PDE5A: variants seen among roughly 807,000 people sequenced by gnomAD.
PDE5A encodes cGMP-specific 3',5'-cyclic phosphodiesterase.
In PDE5A, 67 loss-of-function variants were observed where a neutral mutation model predicts 110.2. The observed-to-expected ratio is 0.61, with a 90% CI of 0.50 to 0.75. PDE5A has a LOEUF of 0.75. PDE5A is among the 30% of genes least tolerant of loss of function. The pLI is 0.00. For synonymous variants in PDE5A, 328 were observed against 351.2 expected (o/e 0.93, Z 0.74); for missense variants, 862 against 1,045.1 (o/e 0.82, Z 2.42).
intron 18 of PDE5A, among the ~76,000 whole-genome samples, chr4:119,503,061 C>G (rs1042826635): frequency 6.6e-6 from 1 of 152,010 alleles, no homozygotes; most frequent in Non-Finnish European, 1.5e-5. Context: ...TTATTATGGG[C>G]AGGAAGGTAG....
At chr4:119,605,959 AC>A (rs147151548) in intron 2 of PDE5A, among the ~76,000 whole-genome samples, 3,716 of 152,348 alleles carry the variant, frequency 0.024, 57 homozygotes, top group South Asian at 0.051. Context: ...GCTGTAAGAT[AC>A]CTCATAAACA....
At chr4:119,617,839 A>G (rs1033585583) in intron 1 of PDE5A, among the ~76,000 whole-genome samples, 3 of 152,104 alleles carry the variant, frequency 2.0e-5, no homozygotes, top group Admixed American at 6.6e-5. Flanking sequence ...ATTTTCAACC[A>G]CTCTATTTTA....
At chr4:119,545,734 A>C (rs1409373021) in intron 9 of PDE5A, among the ~76,000 whole-genome samples, 1 of 152,172 alleles carries the variant, frequency 6.6e-6, no homozygotes, top group Non-Finnish European at 1.5e-5. Flanking sequence ...TGTTGTTACC[A>C]ACCACAGTCT....
At chr4:119,587,377 G>T (rs1578802275) in intron 3 of PDE5A, among the ~76,000 whole-genome samples, 3 of 116,168 alleles carry the variant, frequency 2.6e-5, no homozygotes, top group African/African-American at 3.0e-5. Context: ...TAATTTTTTT[G>T]TATTTTTTTT....
chr4:119,574,179 C>CTTT (rs70944893), intron 3 of PDE5A, among the ~76,000 whole-genome samples: 21,881 of 89,124 alleles, frequency 0.25, 4,280 homozygotes, highest in East Asian at 0.32. Flanking sequence ...AAAATATAGG[C>CTTT]TTTTTTTTTT....
Position 119,628,795 on chromosome 4 carries a change from G to T in PDE5A, c.-124C>A. On this transcript the variant is annotated 5_prime_UTR_variant, in exon 1 of 21. Coordinates refer to ENST00000354960, the MANE Select transcript of PDE5A (RefSeq NM_001083.4). ...CCCTTCGTCCTGCTCCAGTCGGGCC[G>T]GCTTTCGACAAAGCGGCCGGAGCGC... 7.0e-7 allele frequency: 1 copy of T among 1,435,848 alleles called. No individual in the cohort carries two copies. Among genetic ancestry groups the T allele is most frequent in the Non-Finnish European group, 9.5e-7 (1 of 1,055,582 alleles). 88.9% of individuals were successfully genotyped at this position (1,435,848 alleles called of 1,614,324 possible).
chr4:119,585,431 A>T (rs1016782984), intron 3 of PDE5A, among the ~76,000 whole-genome samples: 7 of 152,116 alleles, frequency 4.6e-5, no homozygotes, highest in Non-Finnish European at 2.9e-5. Flanking sequence ...TTTTTGTATA[A>T]ACCTTTGTGT....
intron 9 of PDE5A, among the ~76,000 whole-genome samples, chr4:119,545,707 T>C (rs1330793170): frequency 2.0e-5 from 3 of 152,172 alleles, no homozygotes; most frequent in African/African-American, 4.8e-5. Flanking sequence ...TTCTTTTCCA[T>C]AATTCTTGGG....
At chr4:119,538,675 C>T (rs150884942) in intron 11 of PDE5A, 2 of 318,628 alleles carry the variant, frequency 6.3e-6, no homozygotes, top group Non-Finnish European at 1.2e-5. Flanking sequence ...CCTCATGGTC[C>T]CCATTTCTCC....
chr4:119,614,194 A>G (rs911867859), intron 1 of PDE5A, among the ~76,000 whole-genome samples: 2 of 152,080 alleles, frequency 1.3e-5, no homozygotes, highest in Non-Finnish European at 2.9e-5. Flanking sequence ...AAATTCCAAC[A>G]TATCTATGTT....
chr4:119,622,099 G>A (rs774005925), intron 1 of PDE5A, among the ~76,000 whole-genome samples: 25 of 151,838 alleles, frequency 1.6e-4, no homozygotes, highest in South Asian at 8.3e-4. Flanking sequence ...GCCTGAACCC[G>A]GGAAGCGGAG....
chr4:119,553,048 T>C (rs933366265), intron 8 of PDE5A, among the ~76,000 whole-genome samples: 6 of 152,216 alleles, frequency 3.9e-5, no homozygotes, highest in East Asian at 3.9e-4. Context: ...ACTGTTGCTA[T>C]TGCTATATTG....
chr4:119,553,991 T>G (rs1041485775), intron 7 of PDE5A, among the ~76,000 whole-genome samples: 2 of 152,184 alleles, frequency 1.3e-5, no homozygotes, highest in Admixed American at 1.3e-4. Flanking sequence ...AATGGCCTTA[T>G]TCTCATCGCA....
chr4:119,526,785 A>G (rs1310376115), intron 11 of PDE5A, among the ~76,000 whole-genome samples: 1 of 152,150 alleles, frequency 6.6e-6, no homozygotes, highest in African/African-American at 2.4e-5. Flanking sequence ...TTTCACTTAC[A>G]TATACCAGAC....
chr4:119,553,999 G>A (rs904296556), intron 7 of PDE5A, among the ~76,000 whole-genome samples: 2 of 152,006 alleles, frequency 1.3e-5, no homozygotes, highest in African/African-American at 4.8e-5. Context: ...TATTCTCATC[G>A]CAAATGGGCA....
intron 14 of PDE5A, among the ~76,000 whole-genome samples, chr4:119,514,128 C>T (rs372095536): frequency 6.6e-6 from 1 of 152,192 alleles, no homozygotes; most frequent in South Asian, 2.1e-4. Context: ...TCAGTGAGCA[C>T]TAATGGACCA....
At chr4:119,587,012 G>A (rs1179195325) in intron 3 of PDE5A, among the ~76,000 whole-genome samples, 1 of 152,110 alleles carries the variant, frequency 6.6e-6, no homozygotes, top group African/African-American at 2.4e-5. Flanking sequence ...CTGCTCTTAA[G>A]AAACATTCTT....
At chr4:119,617,120 G>C (rs945605253) in intron 1 of PDE5A, among the ~76,000 whole-genome samples, 7 of 151,924 alleles carry the variant, frequency 4.6e-5, no homozygotes, top group Admixed American at 1.3e-4. Flanking sequence ...CATATAATCT[G>C]GGAAGAATCA....
At chr4:119,541,953 A>G (rs1233628005) in intron 10 of PDE5A, 2 of 152,188 alleles carry the variant, frequency 1.3e-5, no homozygotes, top group South Asian at 4.1e-4. Flanking sequence ...AGTTTGAAAT[A>G]GTTTCTCAGA....
Sources: allele counts gnomAD v4.1 joint callset (sites outside exome capture counted in the v4.1 genomes callset), GRCh38; gene constraint gnomAD v4.1.1; transcripts MANE v1.5; gene names NCBI Gene and HGNC (gene_info 2026-07-23, HGNC 2026-07-21).